The following NFATC3 variants were observed in gnomAD, a reference collection of about 807,000 sequenced individuals.
NFATC3 encodes nuclear factor of activated T cells 3.
A neutral mutation model predicts 98.6 loss-of-function variants in NFATC3; 46 were observed. The ratio of observed to expected loss-of-function variants is 0.47; its 90% CI spans 0.37 to 0.60. NFATC3 has a LOEUF of 0.60. Ranked by LOEUF, NFATC3 falls within the 20% of genes least tolerant of loss-of-function variation. The pLI is 0.00. For synonymous variants in NFATC3, 512 were observed against 472.2 expected (o/e 1.08, Z -1.09); for missense variants, 1,256 against 1,295.5 (o/e 0.97, Z 0.47).
At chr16:68,199,079 G>A (rs1040603635) in intron 9 of NFATC3, among the ~76,000 whole-genome samples, 1 of 151,670 alleles carries the variant, frequency 6.6e-6, no homozygotes, top group Non-Finnish European at 1.5e-5. Flanking sequence ...AGCTGATCAT[G>A]GTGATGTGTG....
intron 8 of NFATC3, among the ~76,000 whole-genome samples, chr16:68,184,882 GA>G (rs2040115978): frequency 6.6e-6 from 1 of 152,136 alleles, no homozygotes; most frequent in Admixed American, 6.6e-5. Context: ...GTTCTCTACA[GA>G]AACCTAGTAG....
chr16:68,131,514 G>C (rs1277540659), intron 3 of NFATC3, among the ~76,000 whole-genome samples: 3 of 152,122 alleles, frequency 2.0e-5, no homozygotes, highest in Non-Finnish European at 4.4e-5. Context: ...CTGACCTCAA[G>C]TGATCCACCC....
At chr16:68,107,488 C>T (rs1187823692) in intron 1 of NFATC3, among the ~76,000 whole-genome samples, 13 of 152,084 alleles carry the variant, frequency 8.5e-5, no homozygotes, top group Non-Finnish European at 8.8e-5. Context: ...TTTGAGGGGC[C>T]GGGGCGGGCG....
intron 1 of NFATC3, among the ~76,000 whole-genome samples, chr16:68,101,477 GGTTTTTTTTTTT>G (rs905683132): frequency 4.0e-5 from 6 of 150,192 alleles, no homozygotes; most frequent in African/African-American, 1.2e-4. Context: ...TATAGTTTTA[GGTTTTTTTTTTT>G]GTTTTTTTTT....
intron 7 of NFATC3, among the ~76,000 whole-genome samples, chr16:68,182,127 A>G (rs1407539593): frequency 6.6e-6 from 1 of 152,208 alleles, no homozygotes; most frequent in Non-Finnish European, 1.5e-5. Context: ...TTTAGGAATA[A>G]AAACAAATTC....
At chr16:68,215,956 C>T (rs1332138125) in intron 9 of NFATC3, among the ~76,000 whole-genome samples, 1 of 152,048 alleles carries the variant, frequency 6.6e-6, no homozygotes, top group East Asian at 1.9e-4. Context: ...TCTCGATGTC[C>T]TGACCTCGTG....
intron 9 of NFATC3, among the ~76,000 whole-genome samples, chr16:68,216,599 C>T (rs2041649229): frequency 6.6e-6 from 1 of 151,616 alleles, no homozygotes; most frequent in Non-Finnish European, 1.5e-5. Context: ...TGGCATCATA[C>T]TGGCTCACTG....
chr16:68,186,549 A>G (rs1040166026), intron 8 of NFATC3, among the ~76,000 whole-genome samples: 1 of 152,198 alleles, frequency 6.6e-6, no homozygotes, highest in East Asian at 1.9e-4. Flanking sequence ...CAAAACAAAA[A>G]CAAAAACAAA....
At chr16:68,102,107 C>T (rs2035395726) in intron 1 of NFATC3, among the ~76,000 whole-genome samples, 1 of 152,096 alleles carries the variant, frequency 6.6e-6, no homozygotes. Flanking sequence ...CGCAGTGGCT[C>T]ACGCCTGTAA....
chr16:68,085,738 C>A lies in NFATC3; in HGVS notation c.57C>A (p.Gly19=). The change falls in exon 1 of 10, where the codon GGC becomes GGA. Residue 19 remains glycine, a synonymous_variant. Transcript: ENST00000346183. The stretch of plus-strand genomic sequence containing the variant: ...AGCTCGACTTCAAACTCGTCTTTGG[C>A]GAGGACGGGGCGCCGGCGCCGCCGC... The part of the protein sequence containing the change: ...HDELDFKLVF[G]EDGAPAPPPP... 3 of 1,509,198 alleles carry A rather than the reference C, an allele frequency of 2.0e-6. No individual in the cohort carries two copies. The highest frequency in any genetic ancestry group is 2.7e-6 in the Non-Finnish European group (3 of 1,131,852). The allele number at this position is 1,509,198 out of a possible 1,614,324, so 93.5% of individuals were successfully genotyped here.
chr16:68,201,292 G>A (rs1352762142), intron 9 of NFATC3, among the ~76,000 whole-genome samples: 2 of 152,060 alleles, frequency 1.3e-5, no homozygotes, highest in East Asian at 1.9e-4. Flanking sequence ...GTGCAGTGGC[G>A]TGATCATGGC....
At chr16:68,086,907 A>G in intron 1 of NFATC3, 3 of 572,274 alleles carry the variant, frequency 5.2e-6, no homozygotes, top group Non-Finnish European at 6.6e-6. Flanking sequence ...CAATTCCATT[A>G]ACATAATTTG....
chr16:68,227,060 A>G lies in NFATC3; in HGVS notation c.*589A>G, dbSNP rs972620336. The G allele has an allele frequency of 6.6e-6, 1 of 152,224 alleles. No individual in the cohort carries two copies. The highest frequency in any genetic ancestry group is 2.4e-5 in the African/African-American group (1 of 41,458). The allele number at this position is 152,224 out of a possible 1,614,324, so 9.4% of individuals were successfully genotyped here. ...AGCCAAATGTAGCTCATACCTCTTT[A>G]TAAAACTAAACTGTTGTTAGATAAA... On this transcript the variant is annotated 3_prime_UTR_variant, in exon 10 of 10. Coordinates refer to ENST00000346183, the MANE Select transcript of NFATC3 (RefSeq NM_173165.3).
rs778016298 is a variant in NFATC3 at position 68,104,653 on chromosome 16, G to GTTTTTTTTTTTTT, written c.104-17330_104-17318dup. 4.9e-3 allele frequency among the ~76,000 whole-genome samples: 617 copies of GTTTTTTTTTTTTT among 126,590 alleles called. 34 individuals are homozygous for GTTTTTTTTTTTTT. The highest frequency in any genetic ancestry group is 0.018 in the African/African-American group (579 of 31,764). The allele number at this position is 126,590 out of a possible 152,430, so 83.0% of individuals were successfully genotyped here. ...GTTAGCTGTGGGCTTTTCACAAATGGTTTTTTTTTTTTTTTTGAAATGGAG... is the reference window on the plus strand; with the variant it reads ...GTTAGCTGTGGGCTTTTCACAAATGGTTTTTTTTTTTTTTTTTTTTTTTTTTTTTGAAATGGAG... On this transcript the variant is annotated intron_variant, in intron 1 of 9. Coordinates refer to ENST00000346183, the MANE Select transcript of NFATC3 (RefSeq NM_173165.3).
chr16:68,214,545 T>C (rs928077422), intron 9 of NFATC3: 2 of 787,278 alleles, frequency 2.5e-6, no homozygotes, highest in African/African-American at 3.4e-5. Context: ...CATTTTCTGG[T>C]AGGCCCACTC....
Position 68,166,867 on chromosome 16 carries a change from A to G in NFATC3, c.1626A>G (p.Lys542=). The G allele has an allele frequency of 1.2e-6, 2 of 1,613,282 alleles. No individual in the cohort carries two copies. The highest frequency in any genetic ancestry group is 1.7e-6 in the Non-Finnish European group (2 of 1,179,672). The change falls in exon 5 of 10, where the codon AAA becomes AAG. Residue 542 remains lysine (K), a synonymous_variant. Coordinates refer to ENST00000346183, the MANE Select transcript of NFATC3 (RefSeq NM_173165.3). ...GTATTGATTGTGCAGGTATTTTGAA[A>G]CTCCGCAATTCAGATATAGAACTTC... The part of the protein sequence containing the change: ...SASIDCAGIL[K]LRNSDIELRK...
intron 2 of NFATC3, 66 bp from the exon 3 acceptor site, chr16:68,126,382 G>A (rs528061865): frequency 6.9e-7 from 1 of 1,447,980 alleles, no homozygotes; most frequent in South Asian, 1.3e-5. Flanking sequence ...TGGCAAAGAA[G>A]CCATTTGAAT....
At chr16:68,117,448 C>T (rs2036340003) in intron 1 of NFATC3, among the ~76,000 whole-genome samples, 1 of 152,164 alleles carries the variant, frequency 6.6e-6, no homozygotes, top group East Asian at 1.9e-4. Flanking sequence ...ACCCCTAGCT[C>T]TCATTATTCT....
At chr16:68,179,382 A>G (rs1567535990) in intron 6 of NFATC3, among the ~76,000 whole-genome samples, 2 of 152,246 alleles carry the variant, frequency 1.3e-5, no homozygotes, top group Admixed American at 6.5e-5. Flanking sequence ...TGTCTGGCAC[A>G]TAAGGATCCA....
Sources: allele counts gnomAD v4.1 joint callset (sites outside exome capture counted in the v4.1 genomes callset), GRCh38; gene constraint gnomAD v4.1.1; transcripts MANE v1.5; gene names NCBI Gene and HGNC (gene_info 2026-07-23, HGNC 2026-07-21).